Variants in ACOX3 observed in about 807,000 individuals in gnomAD.
ACOX3 encodes acyl-CoA oxidase 3, pristanoyl, also known as peroxisomal acyl-coenzyme A oxidase 3.
A neutral mutation model predicts 81.5 loss-of-function variants in ACOX3; 73 were observed. That is an observed-to-expected ratio of 0.90 (90% CI 0.74 to 1.09). The LOEUF (loss-of-function observed/expected upper bound fraction) is 1.09. ACOX3 is among the 50% of genes least tolerant of loss of function. The pLI is 0.00. For missense variants in ACOX3, 947 were observed against 928.0 expected, an observed-to-expected ratio of 1.02 and a Z score of -0.27; for synonymous variants, 387 against 375.1, an observed-to-expected ratio of 1.03 and a Z score of -0.37.
intron 14 of ACOX3, among the ~76,000 whole-genome samples, chr4:8,377,703 C>A (rs976145217): frequency 2.6e-5 from 4 of 152,216 alleles, no homozygotes; most frequent in Admixed American, 6.5e-5. Flanking sequence ...GGGATGGGCT[C>A]CCTAAACAGT....
intron 5 of ACOX3, among the ~76,000 whole-genome samples, chr4:8,413,373 C>A (rs1373345603): frequency 7.2e-6 from 1 of 139,686 alleles, no homozygotes; most frequent in Non-Finnish European, 1.5e-5. Flanking sequence ...TCTCCCTCCA[C>A]CCCTGTGCCC....
At chr4:8,429,155 ACTT>A (rs1471892734) in intron 1 of ACOX3, among the ~76,000 whole-genome samples, 3 of 152,152 alleles carry the variant, frequency 2.0e-5, no homozygotes, top group Admixed American at 6.5e-5. Context: ...AGACACACAC[ACTT>A]CTTATGAAAT....
rs144323318 is a variant in ACOX3 at position 8,367,068 on chromosome 4, G to A, written c.1996C>T (p.Leu666Phe). 30 of 1,613,814 alleles carry A rather than the reference G, an allele frequency of 1.9e-5. No individual in the cohort carries two copies. The highest frequency in any genetic ancestry group is 2.7e-5 in the African/African-American group (2 of 74,898). Residue 666 changes from leucine to phenylalanine, a missense_variant, in exon 18 of 18, where the codon CTC becomes TTC. Leu to Phe is a conservative substitution (Grantham distance 22). Coordinates refer to ENST00000356406, the MANE Select transcript of ACOX3 (RefSeq NM_003501.3). ...CTTTCCTGCAGGACAGCGCCCCAGA[G>A]GTTTTTGTAGAGCTGCAAACAACAC... ...GRADGELYKN[L>F]WGAVLQESKV...
rs1723939288 is a variant in ACOX3 at position 8,431,326 on chromosome 4, C to T, written c.-15+9322G>A. Among the ~76,000 whole-genome samples, 1 of 152,238 alleles carries T rather than the reference C, an allele frequency of 6.6e-6. No homozygotes were observed. Among genetic ancestry groups the T allele is most frequent in the African/African-American group, 2.4e-5 (1 of 41,458 alleles). Reference sequence around the variant, plus strand: ...GGCATCTGCAGGTCAGACTGTAGTTCTCAGCTTTGACCGTGGCTTCACCTC... The same window carrying T: ...GGCATCTGCAGGTCAGACTGTAGTTTTCAGCTTTGACCGTGGCTTCACCTC... On this transcript the variant is annotated intron_variant, in intron 1 of 17. Transcript: ENST00000356406. This position sits in a 1 kb window ranked among gnomAD's most constrained non-coding sequence, Gnocchi z 5.3.
chr4:8,397,084 G>A lies in ACOX3; in HGVS notation c.909C>T (p.Ser303=). ...CGATGGAGACCCGGCCCGAGGACAG[G>A]CTCCCCAGGGACGCTCCAAAGCGCT... is the stretch of plus-strand genomic sequence containing the variant. The part of the protein sequence containing the change: ...VRQRFGASLG[S]LSSGRVSIVS... Residue 303 remains serine, a synonymous_variant, in exon 9 of 18, where the codon AGC becomes AGT. Coordinates refer to ENST00000356406, the MANE Select transcript of ACOX3 (RefSeq NM_003501.3). 1 of 1,594,420 alleles carries A rather than the reference G, an allele frequency of 6.3e-7. No homozygotes were observed. Among genetic ancestry groups the A allele is most frequent in the Non-Finnish European group, 8.5e-7 (1 of 1,171,874 alleles).
At chr4:8,357,420 T>G in the ACOX3 span, 16 of 356,788 alleles carry the variant, frequency 4.5e-5, no homozygotes, top group African/African-American at 3.4e-4. Context: ...AGTAAATCAA[T>G]TAAATTGGAG....
At chr4:8,364,491 G>A (rs537076121), downstream of ACOX3, among the ~76,000 whole-genome samples, 22 of 94,022 alleles carry the variant, frequency 2.3e-4, no homozygotes, top group East Asian at 4.1e-3. The surrounding 1 kb of genome is among the most constrained non-coding windows in gnomAD (Gnocchi z 5.0). Context: ...ATGAGAACCC[G>A]TCGTGTCTGA....
At chr4:8,426,011 C>T (rs964923107) in intron 1 of ACOX3, among the ~76,000 whole-genome samples, 1 of 152,144 alleles carries the variant, frequency 6.6e-6, no homozygotes, top group Non-Finnish European at 1.5e-5. Flanking sequence ...ATGGCCTGCT[C>T]TGTTGCCCAT....
rs1307687381 is a variant in ACOX3, at chr4:8,367,218, G to A, written c.1984-138C>T. The stretch of plus-strand genomic sequence containing the variant: ...AATTCGGCTGGGCACAGTGGCTCAC[G>A]CCCGTAATCCCAGCATTTTGGGAGG... On this transcript the variant is annotated intron_variant, in intron 17 of 17. Transcript: ENST00000356406. 22 of 1,146,908 alleles carry A rather than the reference G, an allele frequency of 1.9e-5. No individual in the cohort carries two copies. The Admixed American group carries it at 4.5e-4, about 24-fold the overall frequency. The allele number at this position is 1,146,908 out of a possible 1,614,324, so 71.0% of individuals were successfully genotyped here.
Position 8,382,945 on chromosome 4 carries a change from C to T in ACOX3, c.1538-1338G>A, listed in dbSNP as rs550011168. ...AGGCGGAGTTGCAGTGAGCCGAGATCGCGCCACTGCACTCCAGCCTGGGCG... is the reference window on the plus strand; with the variant it reads ...AGGCGGAGTTGCAGTGAGCCGAGATTGCGCCACTGCACTCCAGCCTGGGCG... On this transcript the variant is annotated intron_variant, in intron 13 of 17. Coordinates refer to ENST00000356406, the MANE Select transcript of ACOX3 (RefSeq NM_003501.3). The surrounding 1 kb of genome is among the most constrained non-coding windows in gnomAD (Gnocchi z 4.1). Among the ~76,000 whole-genome samples the T allele has an allele frequency of 4.1e-4, 60 of 146,516 alleles. No homozygotes were observed. The highest frequency in any genetic ancestry group is 6.0e-4 in the Non-Finnish European group (40 of 67,024).
At position 8,424,717 on chromosome 4, in the gene ACOX3, T is replaced by G. The variant is rs947507250; in HGVS notation, c.-14-8182A>C. 2.6e-5 allele frequency among the ~76,000 whole-genome samples: 4 copies of G among 152,378 alleles called. No homozygotes were observed. In the East Asian group the frequency reaches 5.8e-4, roughly 22 times the overall value. On this transcript the variant is annotated intron_variant, in intron 1 of 17. Coordinates refer to ENST00000356406, the MANE Select transcript of ACOX3 (RefSeq NM_003501.3). ...TCGTGCAACTCTTAATCCAGCCACATTTCTTCCAGACAATGAAGAAAAGAT... is the reference window on the plus strand; with the variant it reads ...TCGTGCAACTCTTAATCCAGCCACAGTTCTTCCAGACAATGAAGAAAAGAT...
At chr4:8,403,914 T>C (rs1435862042) in intron 7 of ACOX3, among the ~76,000 whole-genome samples, 1 of 152,188 alleles carries the variant, frequency 6.6e-6, no homozygotes, top group Non-Finnish European at 1.5e-5. Flanking sequence ...CACCGCCATA[T>C]GCCCGGGTGG....
chr4:8,399,200 G>C lies in ACOX3; in HGVS notation c.873+356C>G, dbSNP rs926644006. 2.0e-5 allele frequency among the ~76,000 whole-genome samples: 3 copies of C among 152,170 alleles called. No individual in the cohort carries two copies. The South Asian group carries it at 6.2e-4, about 32-fold the overall frequency. On this transcript the variant is annotated intron_variant, in intron 8 of 17. Transcript: ENST00000356406. This position sits in a 1 kb window ranked among gnomAD's most constrained non-coding sequence, Gnocchi z 4.9. ...AGCCAGGCGTGAGTTCTGGACACCG[G>C]GGAACTCTGTTTGTCGTCCCCCTTT...
intron 7 of ACOX3, among the ~76,000 whole-genome samples, chr4:8,402,414 C>A (rs1720469620): frequency 6.6e-6 from 1 of 152,232 alleles, no homozygotes; most frequent in African/African-American, 2.4e-5. Context: ...GTGAGAAAAA[C>A]CTTGCCTCGG....
intron 1 of ACOX3, chr4:8,436,070 T>C (rs1724220297): frequency 6.6e-6 from 1 of 152,174 alleles, no homozygotes; most frequent in African/African-American, 2.4e-5. Flanking sequence ...CAAGCCCACA[T>C]CCAGGGGGTG....
chr4:8,420,500 C>T (rs1178964097), intron 1 of ACOX3, among the ~76,000 whole-genome samples: 1 of 152,150 alleles, frequency 6.6e-6, no homozygotes, highest in Non-Finnish European at 1.5e-5. Context: ...GTAAAGAGAG[C>T]TCACTAAAAT....
rs1187483424 is a variant in ACOX3 at position 8,385,475 on chromosome 4, T to C, written c.1537+3698A>G. Among the ~76,000 whole-genome samples, 1 of 152,198 alleles carries C rather than the reference T, an allele frequency of 6.6e-6. No homozygotes were observed. Among genetic ancestry groups the C allele is most frequent in the African/African-American group, 2.4e-5 (1 of 41,428 alleles). Reference sequence around the variant, plus strand: ...CACAAATACACACGTGTCCGAGTAGTGAACACTGCAACTGCTTACTATGAA... The same window carrying C: ...CACAAATACACACGTGTCCGAGTAGCGAACACTGCAACTGCTTACTATGAA... On this transcript the variant is annotated intron_variant, in intron 13 of 17. Coordinates refer to ENST00000356406, the MANE Select transcript of ACOX3 (RefSeq NM_003501.3). This position sits in a 1 kb window ranked among gnomAD's most constrained non-coding sequence, Gnocchi z 5.5.
At chr4:8,413,723 A>G (rs1477366858) in intron 5 of ACOX3, among the ~76,000 whole-genome samples, 4 of 151,766 alleles carry the variant, frequency 2.6e-5, no homozygotes, top group Admixed American at 2.6e-4. Flanking sequence ...CAGCACTGAC[A>G]GCCCCAGGGC....
intron 1 of ACOX3, among the ~76,000 whole-genome samples, chr4:8,425,190 A>G (rs1357084204): frequency 6.6e-6 from 1 of 152,174 alleles, no homozygotes; most frequent in African/African-American, 2.4e-5. Flanking sequence ...GTGATCAGAA[A>G]GGAAAGGAAA....
Sources: gnomAD v4.1 joint callset for allele counts (sites outside exome capture counted in the v4.1 genomes callset) on GRCh38, gnomAD v4.1.1 for gene constraint, Gnocchi (gnomAD v3.1) non-coding constraint, MANE v1.5 for transcripts, NCBI Gene and HGNC (gene_info 2026-07-23, HGNC 2026-07-21) for gene names.